Variants in OR14A16 observed in about 807,000 individuals in gnomAD.
The protein encoded by OR14A16 is olfactory receptor 14A16.
For missense variants in OR14A16, 341 were observed against 366.5 expected, an observed-to-expected ratio of 0.93 and a Z score of 0.57; for synonymous variants, 135 against 137.6, an observed-to-expected ratio of 0.98 and a Z score of 0.13.
intron 1 of OR14A16, among the ~76,000 whole-genome samples, chr1:247,820,131 C>A (rs1319653618): frequency 2.0e-5 from 3 of 152,162 alleles, no homozygotes; most frequent in Non-Finnish European, 4.4e-5. Flanking sequence ...GCTAGTATTT[C>A]ATTGAAGATT....
intron 1 of OR14A16, among the ~76,000 whole-genome samples, chr1:247,820,353 T>G (rs1027438583): frequency 6.6e-6 from 1 of 152,196 alleles, no homozygotes; most frequent in South Asian, 2.1e-4. Flanking sequence ...CACCAGTGAC[T>G]GGGTGTTTTT....
At chr1:247,822,249 C>A (rs1662752280) in intron 1 of OR14A16, among the ~76,000 whole-genome samples, 1 of 135,710 alleles carries the variant, frequency 7.4e-6, no homozygotes, top group Admixed American at 8.7e-5. Flanking sequence ...ACATGTGAGT[C>A]CATGTACTGA....
At chr1:247,822,328 G>A in intron 1 of OR14A16, among the ~76,000 whole-genome samples, 1 of 133,240 alleles carries the variant, frequency 7.5e-6, no homozygotes, top group East Asian at 2.9e-4. Context: ...GGGGGAGGGT[G>A]GGGATGCTGG....
intron 1 of OR14A16, among the ~76,000 whole-genome samples, chr1:247,820,195 T>A (rs1662706473): frequency 1.3e-5 from 2 of 152,228 alleles, no homozygotes. Context: ...TTTCTTGCAG[T>A]ATCCTTGTCA....
chr1:247,816,263 A>G (rs1431347326), intron 2 of OR14A16, among the ~76,000 whole-genome samples: 2 of 152,240 alleles, frequency 1.3e-5, no homozygotes, highest in Non-Finnish European at 2.9e-5. Flanking sequence ...GCTATTCTAC[A>G]AAGTCTTTAA....
At chr1:247,822,478 A>AGTGGCCTC (rs113103984) in intron 1 of OR14A16, among the ~76,000 whole-genome samples, 2 of 152,084 alleles carry the variant, frequency 1.3e-5, no homozygotes, top group Admixed American at 1.3e-4. Flanking sequence ...TGGGACTTGC[A>AGTGGCCTC]CCAAGGGCTC....
At position 247,814,871 on chromosome 1, in the gene OR14A16, A is replaced by G. The variant is rs1416848814; in HGVS notation, c.859T>C (p.Tyr287His). The stretch of plus-strand genomic sequence containing the variant: ...TTTATGGCCTTGTTTCTCAAACTGT[A>G]TATAATGGGATTAAAGGTTGGGGGC... ...MLPPTFNPII[Y>H]SLRNKAIKVA... The change falls in exon 3 of 3, where the codon TAC (tyrosine) becomes CAC (histidine). Residue 287 changes from tyrosine (Y) to histidine (H), a missense_variant. Coordinates refer to ENST00000641093, the MANE Select transcript of OR14A16 (RefSeq NM_001001966.2). 4 of 1,613,672 alleles carry G rather than the reference A, an allele frequency of 2.5e-6. No individual in the cohort carries two copies. In the South Asian group the frequency reaches 4.4e-5, roughly 18 times the overall value.
rs770394997 is a variant in OR14A16 at position 247,814,869 on chromosome 1, G to C, written c.861C>G (p.Tyr287Ter). The C allele has an allele frequency of 3.7e-6, 6 of 1,613,388 alleles. No individual in the cohort carries two copies. In the Admixed American group the frequency reaches 5.0e-5, roughly 13 times the overall value. The part of the protein sequence containing the change: ...MLPPTFNPII[Y>*]SLRNKAIKVA... Reference sequence around the variant, plus strand: ...CCTTTATGGCCTTGTTTCTCAAACTGTATATAATGGGATTAAAGGTTGGGG... The same window carrying C: ...CCTTTATGGCCTTGTTTCTCAAACTCTATATAATGGGATTAAAGGTTGGGG... Residue 287 changes from tyrosine (Y) to a stop codon, truncating the protein, a stop_gained, in exon 3 of 3, where the codon TAC becomes TAG. Transcript: ENST00000641093. LOFTEE classifies it low-confidence loss of function (END_TRUNC).
intron 1 of OR14A16, among the ~76,000 whole-genome samples, chr1:247,822,159 G>A (rs912798545): frequency 2.0e-5 from 3 of 152,018 alleles, no homozygotes; most frequent in African/African-American, 7.2e-5. Flanking sequence ...TGTCAAACTT[G>A]ACTGGATTAA....
At chr1:247,822,478 A>AGTAGTGGCCTC (rs113103984) in intron 1 of OR14A16, among the ~76,000 whole-genome samples, 1 of 151,966 alleles carries the variant, frequency 6.6e-6, no homozygotes, top group African/African-American at 2.4e-5. Context: ...TGGGACTTGC[A>AGTAGTGGCCTC]CCAAGGGCTC....
chr1:247,818,641 G>T (rs1177437682), intron 2 of OR14A16, among the ~76,000 whole-genome samples: 1 of 152,142 alleles, frequency 6.6e-6, no homozygotes, highest in East Asian at 1.9e-4. Context: ...CTCTAATTGG[G>T]AGCTAAAAAT....
chr1:247,822,887 C>T (rs1163620135), intron 1 of OR14A16, among the ~76,000 whole-genome samples: 2 of 152,080 alleles, frequency 1.3e-5, no homozygotes, highest in Non-Finnish European at 2.9e-5. Context: ...ATCTCAAACA[C>T]AAATTTTTTC....
At chr1:247,820,309 T>C (rs1662708028) in intron 1 of OR14A16, among the ~76,000 whole-genome samples, 2 of 152,184 alleles carry the variant, frequency 1.3e-5, no homozygotes, top group Non-Finnish European at 2.9e-5. Flanking sequence ...CATTAGTTAT[T>C]CTTTAAAGAT....
chr1:247,823,855 G>T (rs1662790819), intron 1 of OR14A16, 98 bp downstream of exon 1: 1 of 148,450 alleles, frequency 6.7e-6, no homozygotes, highest in Non-Finnish European at 1.5e-5. Flanking sequence ...TGAATTTAAA[G>T]CAAAAATATA....
intron 2 of OR14A16, among the ~76,000 whole-genome samples, chr1:247,816,905 C>A (rs1349590341): frequency 6.6e-6 from 1 of 152,026 alleles, no homozygotes; most frequent in African/African-American, 2.4e-5. Flanking sequence ...AACGACAATG[C>A]GTGACCTTGC....
intron 1 of OR14A16, among the ~76,000 whole-genome samples, chr1:247,820,013 G>C (rs533819673): frequency 6.6e-6 from 1 of 152,278 alleles, no homozygotes; most frequent in East Asian, 1.9e-4. Flanking sequence ...TGTTAATGTA[G>C]TAGATCACAG....
chr1:247,823,153 C>T (rs1479096568), intron 1 of OR14A16, among the ~76,000 whole-genome samples: 1 of 151,990 alleles, frequency 6.6e-6, no homozygotes, highest in Non-Finnish European at 1.5e-5. Context: ...GGAGTAATTT[C>T]TTAACTTTTG....
At position 247,815,491 on chromosome 1, in the gene OR14A16, A is replaced by C. The variant is rs367893985; in HGVS notation, c.239T>G (p.Ile80Ser). Reference protein sequence around the residue: ...CLISVTAPKSIANSLIHNNSI... With the variant: ...CLISVTAPKSSANSLIHNNSI... ...GTTGTTGTGTATCAAAGAATTGGCG[A>C]TAGATTTGGGAGCCGTGACTGAAAT... is the stretch of plus-strand genomic sequence containing the variant. The change falls in exon 3 of 3, where the codon ATC becomes AGC. Residue 80 changes from isoleucine to serine, a missense_variant. Transcript: ENST00000641093. 6 of 1,613,980 alleles carry C rather than the reference A, an allele frequency of 3.7e-6. No individual in the cohort carries two copies. The highest frequency in any genetic ancestry group is 1.6e-4 in the Middle Eastern group (1 of 6,084).
In OR14A16 at chr1:247,815,268, A is replaced by C. The variant is rs751052236; in HGVS notation, c.462T>G (p.Ala154=). ...AGAAGGTGCCAGCTGTGTGCATCAC[A>C]GCAATCAGACCCCCATACAGCCAAG... ...TVSWLYGGLI[A]VMHTAGTFSL... Residue 154 remains alanine, a synonymous_variant, in exon 3 of 3, where the codon GCT becomes GCG. Transcript: ENST00000641093. The C allele has an allele frequency of 2.5e-6, 4 of 1,614,072 alleles. No individual in the cohort carries two copies. Among genetic ancestry groups the C allele is most frequent in the Non-Finnish European group, 3.4e-6 (4 of 1,179,904 alleles).
Sources: gnomAD v4.1 joint callset for allele counts (sites outside exome capture counted in the v4.1 genomes callset) on GRCh38, gnomAD v4.1.1 for gene constraint, MANE v1.5 for transcripts, NCBI Gene and HGNC (gene_info 2026-07-23, HGNC 2026-07-21) for gene names.